Variants in PREX1 observed in about 807,000 individuals in gnomAD.
The protein encoded by PREX1 is phosphatidylinositol 3,4,5-trisphosphate-dependent Rac exchanger 1 protein.
PREX1 carries 41 observed loss-of-function variants against 198.3 expected under a neutral mutation model. The observed-to-expected ratio is 0.21, with a 90% CI of 0.16 to 0.27. The LOEUF is 0.27. Among genes scored for constraint, PREX1 ranks in the 10% least tolerant of loss-of-function variants. PREX1 has a pLI of 1.00. For missense variants in PREX1, 1,620 were observed against 2,200.7 expected (o/e 0.74, Z 5.28); for synonymous variants, 843 against 887.2 (o/e 0.95, Z 0.89).
At chr20:48,646,118 G>T in intron 25 of PREX1, 61 bp from the exon 26 acceptor site, 1 of 1,542,222 alleles carries the variant, frequency 6.5e-7, no homozygotes, top group Non-Finnish European at 8.9e-7. Flanking sequence ...TCCCTTCCCT[G>T]AAAATCCCAC....
At position 48,774,874 on chromosome 20, in the gene PREX1, G is replaced by A. The variant is rs55650908; in HGVS notation, c.220-26994C>T. ...AACAGGAACTCCATGGAAACGCACA[G>A]CCTCAGCCTGCCATGGGGCAAGGTG... On this transcript the variant is annotated intron_variant, in intron 1 of 39. Transcript: ENST00000371941. 7.8e-3 allele frequency among the ~76,000 whole-genome samples: 1,194 copies of A among 152,398 alleles called. 11 individuals carry two copies. The highest frequency in any genetic ancestry group is 0.027 in the African/African-American group (1,142 of 41,604).
At chr20:48,746,910 T>G (rs910483077) in intron 2 of PREX1, among the ~76,000 whole-genome samples, 1 of 150,102 alleles carries the variant, frequency 6.7e-6, no homozygotes, top group East Asian at 2.0e-4. Context: ...AATAAATGAA[T>G]GCAGGCATAG....
At chr20:48,669,511 C>A (rs1453450839) in intron 14 of PREX1, among the ~76,000 whole-genome samples, 1 of 152,098 alleles carries the variant, frequency 6.6e-6, no homozygotes, top group East Asian at 1.9e-4. Context: ...CATCCCACAT[C>A]AAAATTCAAA....
intron 1 of PREX1, among the ~76,000 whole-genome samples, chr20:48,755,604 T>C (rs751027153): frequency 1.3e-5 from 2 of 152,224 alleles, no homozygotes; most frequent in African/African-American, 4.8e-5. Flanking sequence ...AGACATCTTA[T>C]ACCATGAGGT....
intron 6 of PREX1, 98 bp downstream of exon 6, chr20:48,708,162 T>A: frequency 3.0e-6 from 4 of 1,323,378 alleles, no homozygotes; most frequent in South Asian, 1.4e-5. Flanking sequence ...ACAAAATACA[T>A]TGCAGACTGA....
chr20:48,651,789 C>T (rs1305900186), intron 21 of PREX1, among the ~76,000 whole-genome samples: 2 of 152,212 alleles, frequency 1.3e-5, no homozygotes, highest in Admixed American at 1.3e-4. Context: ...GTCACACAAG[C>T]CATCCAAGGC....
intron 19 of PREX1, 88 bp downstream of exon 19, chr20:48,655,202 T>TAGAGTTC: frequency 7.8e-7 from 1 of 1,277,874 alleles, no homozygotes; most frequent in South Asian, 1.5e-5. Context: ...GGCAGAAGCC[T>TAGAGTTC]AGAGTTCAGA....
At chr20:48,799,441 C>T (rs1427112300) in intron 1 of PREX1, among the ~76,000 whole-genome samples, 1 of 152,150 alleles carries the variant, frequency 6.6e-6, no homozygotes, top group East Asian at 1.9e-4. Context: ...CAGTGGCATC[C>T]TAAAACGAAG....
At chr20:48,862,743 A>G in the PREX1 span, among the ~76,000 whole-genome samples, 15,391 of 146,398 alleles carry the variant, frequency 0.11, 1,070 homozygotes, top group Non-Finnish European at 0.15. Flanking sequence ...GTGTGTTTGA[A>G]GAGCCAACTA....
chr20:48,773,711 C>T (rs1285300558), intron 1 of PREX1, among the ~76,000 whole-genome samples: 1 of 152,184 alleles, frequency 6.6e-6, no homozygotes, highest in Non-Finnish European at 1.5e-5. Context: ...AGGCAAGAGA[C>T]TTAACCAGGA....
chr20:48,701,337 C>A (rs1236127371), intron 6 of PREX1, among the ~76,000 whole-genome samples: 1 of 152,090 alleles, frequency 6.6e-6, no homozygotes, highest in African/African-American at 2.4e-5. Context: ...CTCAGCCTCC[C>A]GAGTAGCTGG....
intron 5 of PREX1, among the ~76,000 whole-genome samples, chr20:48,724,247 ACTTC>A (rs1412342833): frequency 1.3e-5 from 2 of 150,732 alleles, no homozygotes; most frequent in Admixed American, 6.7e-5. Context: ...TGGAAAGGCC[ACTTC>A]CTTTCTCTGT....
At chr20:48,826,252 G>A (rs983677652) in intron 1 of PREX1, among the ~76,000 whole-genome samples, 1 of 152,054 alleles carries the variant, frequency 6.6e-6, no homozygotes, top group Non-Finnish European at 1.5e-5. Flanking sequence ...GAGCAGAGAA[G>A]GGGAGTAAAT....
At position 48,636,552 on chromosome 20, in the gene PREX1, T is replaced by A. The variant is rs562201352; in HGVS notation, c.4078A>T (p.Ser1360Cys). Residue 1360 changes from serine to cysteine, a missense_variant, in exon 32 of 40, where the codon AGC becomes TGC. Transcript: ENST00000371941. ...AGCCACTTGCGGCTGGCGTCGCGGC[T>A]GCTCTCCTCGTACTCGCCATTGTTG... ...YNNNGEYEESSRDASRKWLEQ... is the reference protein window; with the variant it reads ...YNNNGEYEESCRDASRKWLEQ... 13 of 1,611,632 alleles carry A rather than the reference T, an allele frequency of 8.1e-6. No individual in the cohort carries two copies. In the South Asian group the frequency reaches 1.4e-4, roughly 18 times the overall value.
At chr20:48,688,905 G>GCAACCTGCCCCA in intron 9 of PREX1, 101 bp from the exon 10 acceptor site, 1 of 1,410,590 alleles carries the variant, frequency 7.1e-7, no homozygotes, top group Non-Finnish European at 9.8e-7. Context: ...AAGCTGGCCT[G>GCAACCTGCCCCA]CCACCTGCCC....
At chr20:48,694,373 G>A (rs2089834773) in intron 7 of PREX1, among the ~76,000 whole-genome samples, 1 of 152,228 alleles carries the variant, frequency 6.6e-6, no homozygotes, top group East Asian at 1.9e-4. Context: ...CAACAAGCAT[G>A]TGGAGAACGC....
chr20:48,720,190 C>T (rs1447512702), intron 5 of PREX1, among the ~76,000 whole-genome samples: 2 of 152,196 alleles, frequency 1.3e-5, no homozygotes, highest in African/African-American at 2.4e-5. Context: ...TCCAGCCTTC[C>T]CTGACCACAT....
Position 48,827,742 on chromosome 20 carries a change from G to A in PREX1, c.119C>T (p.Ala40Val), listed in dbSNP as rs754225021. 7.6e-7 allele frequency: 1 copy of A among 1,309,968 alleles called. No homozygotes were observed. Among genetic ancestry groups the A allele is most frequent in the South Asian group, 2.0e-5 (1 of 49,094 alleles). 81.1% of individuals were successfully genotyped at this position (1,309,968 alleles called of 1,614,324 possible). A position where few individuals can be genotyped will look rare whatever the true frequency, so the allele number is the denominator to read the frequency against. Residue 40 changes from alanine to valine, a missense_variant, in exon 1 of 40, where the codon GCC becomes GTC. Coordinates refer to ENST00000371941, the MANE Select transcript of PREX1 (RefSeq NM_020820.4). This position sits in a 1 kb window ranked among gnomAD's most constrained non-coding sequence, Gnocchi z 4.1. ...GCGCAGCTGGCGCTCGGACTCCCGG[G>A]CGGCCGCGCACGGGCCGGGGCCGGA... Reference protein sequence around the residue: ...PSSGPGPCAAARESERQLRLR... With the variant: ...PSSGPGPCAAVRESERQLRLR...
chr20:48,675,050 T>A (rs1410452195), intron 14 of PREX1, among the ~76,000 whole-genome samples: 1 of 152,230 alleles, frequency 6.6e-6, no homozygotes, highest in Non-Finnish European at 1.5e-5. Flanking sequence ...AAACAAAATG[T>A]GGTACAGACA....
Sources: gnomAD v4.1 joint callset for allele counts (sites outside exome capture counted in the v4.1 genomes callset) on GRCh38, gnomAD v4.1.1 for gene constraint, Gnocchi (gnomAD v3.1) non-coding constraint, MANE v1.5 for transcripts, NCBI Gene and HGNC (gene_info 2026-07-23, HGNC 2026-07-21) for gene names.